MPP4: variants seen among roughly 807,000 people sequenced by gnomAD.
The protein encoded by MPP4 is MAGUK p55 scaffold protein 4, also known as MAGUK p55 subfamily member 4.
MPP4 carries 91 observed loss-of-function variants against 98.3 expected under a neutral mutation model. The observed-to-expected ratio is 0.93, with a 90% confidence interval of 0.78 to 1.10. The LOEUF (loss-of-function observed/expected upper bound fraction) is 1.10, where lower values mean the gene tolerates loss of function less well. Among genes scored for constraint, MPP4 ranks in the 50% least tolerant of loss-of-function variants. The pLI, the probability that MPP4 is intolerant of heterozygous loss-of-function variation, is 0.00. For synonymous variants in MPP4, 261 were observed against 271.8 expected (o/e 0.96, Z 0.39); for missense variants, 744 against 792.9 (o/e 0.94, Z 0.74).
intron 12 of MPP4, among the ~76,000 whole-genome samples, chr2:201,667,509 A>G (rs911761243): frequency 6.6e-6 from 1 of 152,242 alleles, no homozygotes; most frequent in African/African-American, 2.4e-5. Flanking sequence ...CTCTTAGTAC[A>G]GTATTTTGCA....
chr2:201,645,358 GTTTCCATTCTTTGGGCTAAAT>G lies in MPP4; in HGVS notation c.1745_1765del (p.Asn582_Glu588del). On this transcript the variant is annotated inframe_deletion, in exon 22 of 22. Coordinates refer to ENST00000409474, the MANE Select transcript of MPP4 (RefSeq NM_033066.3). ...ATGATCAAAAAATTGGCCAAACTGAGTTTCCATTCTTTGGGCTAAATTTTCCATCTCTTGTAGGTCTTCATC... is the reference window on the plus strand; with the variant it reads ...ATGATCAAAAAATTGGCCAAACTGAGTTTCCATCTCTTGTAGGTCTTCATC... 6.2e-7 allele frequency: 1 copy of G among 1,613,896 alleles called. No homozygotes were observed. The highest frequency in any genetic ancestry group is 8.5e-7 in the Non-Finnish European group (1 of 1,179,858).
At chr2:201,695,498 T>C (rs1477304402) in intron 1 of MPP4, among the ~76,000 whole-genome samples, 1 of 152,208 alleles carries the variant, frequency 6.6e-6, no homozygotes, top group Non-Finnish European at 1.5e-5. Context: ...TGGTTTAATA[T>C]ACAATGGGGA....
In MPP4 at chr2:201,645,297, G is replaced by A; in HGVS notation, c.1827C>T (p.Ala609=). Residue 609 remains alanine (A), a synonymous_variant, in exon 22 of 22, where the codon GCC becomes GCT. Coordinates refer to ENST00000409474, the MANE Select transcript of MPP4 (RefSeq NM_033066.3). The part of the protein sequence containing the change: ...IVNDSLHDAC[A]QLLSAIQKAQ... ...CCTTCTGTATGGCAGACAACAACTG[G>A]GCACATGCATCGTGCAAGCTGTCAT... 6.2e-7 allele frequency: 1 copy of A among 1,613,910 alleles called. No homozygotes were observed. Among genetic ancestry groups the A allele is most frequent in the Non-Finnish European group, 8.5e-7 (1 of 1,179,874 alleles).
At position 201,693,960 on chromosome 2, in the gene MPP4, C is replaced by G. The variant is rs531278289; in HGVS notation, c.-6G>C. 1 of 1,613,966 alleles carries G rather than the reference C, an allele frequency of 6.2e-7. No homozygotes were observed. The highest frequency in any genetic ancestry group is 1.1e-5 in the South Asian group (1 of 91,082). On this transcript the variant is annotated 5_prime_UTR_variant, in exon 2 of 22. Coordinates refer to ENST00000409474, the MANE Select transcript of MPP4 (RefSeq NM_033066.3). ...CCTTTGTCTGACTGTATCATCCTCCCTGCCGGAGCTTCTGAAAGGAATTCA... is the reference window on the plus strand; with the variant it reads ...CCTTTGTCTGACTGTATCATCCTCCGTGCCGGAGCTTCTGAAAGGAATTCA...
At chr2:201,696,283 C>T (rs1689178623) in intron 1 of MPP4, among the ~76,000 whole-genome samples, 1 of 152,176 alleles carries the variant, frequency 6.6e-6, no homozygotes, top group South Asian at 2.1e-4. Flanking sequence ...TTCCTGTGTT[C>T]TGTGTTGTTT....
chr2:201,691,361 AG>A (rs1399337812), intron 3 of MPP4, among the ~76,000 whole-genome samples: 2 of 152,166 alleles, frequency 1.3e-5, no homozygotes, highest in Non-Finnish European at 2.9e-5. Context: ...TAACTTCAAA[AG>A]GATCTCTCTT....
chr2:201,660,281 A>G (rs1313319962), intron 15 of MPP4, 51 bp downstream of exon 15: 1 of 1,506,748 alleles, frequency 6.6e-7, no homozygotes, highest in Admixed American at 1.7e-5. Flanking sequence ...AGGCACTGAA[A>G]GATCTTAAAC....
At chr2:201,666,670 G>A (rs2105925375) in intron 12 of MPP4, 1 of 192,886 alleles carries the variant, frequency 5.2e-6, no homozygotes, top group East Asian at 1.2e-4. Flanking sequence ...GTTGCAGTGA[G>A]TCGAGATAGT....
intron 8 of MPP4, among the ~76,000 whole-genome samples, chr2:201,682,077 G>C (rs1688679890): frequency 6.6e-6 from 1 of 152,140 alleles, no homozygotes; most frequent in Non-Finnish European, 1.5e-5. Flanking sequence ...GGGGAAGGAA[G>C]AATTCCCCTG....
Position 201,656,202 on chromosome 2 carries a change from G to A in MPP4, c.1296C>T (p.Leu432=). 1 of 1,602,662 alleles carries A rather than the reference G, an allele frequency of 6.2e-7. No homozygotes were observed. The highest frequency in any genetic ancestry group is 1.1e-5 in the South Asian group (1 of 88,170). ...RPSDKYRLIV[L]MGPSGVGVNE... is the part of the protein sequence containing the mutation. The stretch of plus-strand genomic sequence containing the variant: ...ACAGTGCATGCTGGGACATACCCAT[G>A]AGCACTATGAGGCGGTACTTGTCTG... Residue 432 remains leucine (L), a synonymous_variant, in exon 17 of 22, where the codon CTC becomes CTT. Transcript: ENST00000409474.
intron 21 of MPP4, among the ~76,000 whole-genome samples, chr2:201,645,784 G>A (rs1217830067): frequency 2.6e-5 from 4 of 151,982 alleles, no homozygotes; most frequent in Middle Eastern, 3.2e-3. Context: ...CCAAGTAGCT[G>A]GGACTATAGG....
chr2:201,649,513 G>C, intron 20 of MPP4, 63 bp downstream of exon 20: 1 of 1,209,684 alleles, frequency 8.3e-7, no homozygotes, highest in South Asian at 1.3e-5. Flanking sequence ...TACAGCATGT[G>C]CACAAAAAAT....
chr2:201,645,463 TAC>T (rs1382438930), intron 21 of MPP4, 59 bp from the exon 22 acceptor site: 7 of 1,400,336 alleles, frequency 5.0e-6, no homozygotes, highest in Non-Finnish European at 6.8e-6. Flanking sequence ...ATGGAAAAAA[TAC>T]AGTTTGTTAT....
At chr2:201,691,010 C>A (rs1689002649) in intron 3 of MPP4, among the ~76,000 whole-genome samples, 1 of 152,132 alleles carries the variant, frequency 6.6e-6, no homozygotes, top group Non-Finnish European at 1.5e-5. Context: ...CCGGCTGAGC[C>A]CCCAGTCTTT....
intron 10 of MPP4, among the ~76,000 whole-genome samples, chr2:201,679,535 C>T (rs1688610941): frequency 6.6e-6 from 1 of 152,088 alleles, no homozygotes; most frequent in Admixed American, 6.5e-5. Flanking sequence ...TCAGCTGTGC[C>T]CCATACTCCA....
intron 10 of MPP4, among the ~76,000 whole-genome samples, chr2:201,676,447 T>C (rs1459092239): frequency 1.3e-5 from 2 of 152,244 alleles, no homozygotes; most frequent in East Asian, 1.9e-4. Flanking sequence ...TGAAACTTAG[T>C]TCCCCACTTT....
intron 21 of MPP4, among the ~76,000 whole-genome samples, chr2:201,646,504 A>G (rs1030749916): frequency 6.6e-6 from 1 of 152,242 alleles, no homozygotes; most frequent in African/African-American, 2.4e-5. Context: ...TTGTGGCTTT[A>G]CAAAGTGACC....
chr2:201,681,628 G>T (rs889115834), intron 8 of MPP4, 61 bp from the exon 9 acceptor site: 2 of 1,291,900 alleles, frequency 1.5e-6, no homozygotes, highest in South Asian at 1.2e-5. Flanking sequence ...ACTGGGGCTC[G>T]GTGGACAGAG....
chr2:201,667,195 A>C (rs996734660), intron 12 of MPP4, among the ~76,000 whole-genome samples: 55 of 152,240 alleles, frequency 3.6e-4, no homozygotes, highest in African/African-American at 1.3e-3. Context: ...AAAACTCTCT[A>C]CAGCATGATC....
Sources: gnomAD v4.1 joint callset for allele counts (sites outside exome capture counted in the v4.1 genomes callset) on GRCh38, gnomAD v4.1.1 for gene constraint, MANE v1.5 for transcripts, NCBI Gene and HGNC (gene_info 2026-07-23, HGNC 2026-07-21) for gene names.